Variants in CCNY observed in about 807,000 individuals in gnomAD.
CCNY encodes cyclin Y.
Under a neutral mutation model 42.8 loss-of-function variants are expected in CCNY, and 19 were observed. The ratio of observed to expected loss-of-function variants is 0.44; its 90% CI spans 0.31 to 0.65. CCNY has a LOEUF of 0.65. Ranked by LOEUF, CCNY falls within the 30% of genes least tolerant of loss-of-function variation. The pLI is 0.07. For missense variants in CCNY, 370 were observed against 437.3 expected (o/e 0.85, Z 1.37); for synonymous variants, 165 against 162.7 (o/e 1.01, Z -0.11).
At chr10:35,451,394 C>A (rs1838912656) in intron 1 of CCNY, among the ~76,000 whole-genome samples, 1 of 152,170 alleles carries the variant, frequency 6.6e-6, no homozygotes, top group South Asian at 2.1e-4. Context: ...GTAAATGTTA[C>A]CAAGTGCCTC....
At chr10:35,461,814 G>C (rs1377401756) in intron 1 of CCNY, among the ~76,000 whole-genome samples, 1 of 152,112 alleles carries the variant, frequency 6.6e-6, no homozygotes, top group Non-Finnish European at 1.5e-5. Context: ...AAGTGGAAAT[G>C]TCTGATTTGT....
At chr10:35,298,867 T>C (rs1280301469) in intron 3 of CCNY, among the ~76,000 whole-genome samples, 2 of 152,186 alleles carry the variant, frequency 1.3e-5, no homozygotes, top group African/African-American at 2.4e-5. Flanking sequence ...TATCAAGTTA[T>C]CTATTGATGA....
At chr10:35,464,714 C>T (rs1321808344) in intron 1 of CCNY, among the ~76,000 whole-genome samples, 1 of 152,170 alleles carries the variant, frequency 6.6e-6, no homozygotes, top group Admixed American at 6.5e-5. Context: ...GCCTCATGCC[C>T]CACCCCCAGC....
chr10:35,478,015 T>C (rs1839559100), intron 1 of CCNY, among the ~76,000 whole-genome samples: 1 of 145,114 alleles, frequency 6.9e-6, no homozygotes, highest in Non-Finnish European at 1.5e-5. Flanking sequence ...GAGAGCCAAA[T>C]CATGAGTGAA....
chr10:35,546,659 C>T (rs781513703), intron 7 of CCNY, among the ~76,000 whole-genome samples: 6 of 152,172 alleles, frequency 3.9e-5, no homozygotes, highest in Non-Finnish European at 8.8e-5. Context: ...CCTTATCTCC[C>T]AATATAGCAA....
At chr10:35,248,780 A>T (rs1462613442) in intron 2 of CCNY, among the ~76,000 whole-genome samples, 1 of 152,194 alleles carries the variant, frequency 6.6e-6, no homozygotes, top group Non-Finnish European at 1.5e-5. Flanking sequence ...CTGACGCTGC[A>T]GTGAGCCGTG....
At chr10:35,299,087 G>GAGTTCC (rs1835504459) in intron 3 of CCNY, among the ~76,000 whole-genome samples, 1 of 152,182 alleles carries the variant, frequency 6.6e-6, no homozygotes, top group African/African-American at 2.4e-5. Flanking sequence ...CAGTGTAGAA[G>GAGTTCC]AGTTCCAGTT....
chr10:35,318,884 C>T (rs753167666), intron 3 of CCNY, among the ~76,000 whole-genome samples: 7 of 152,178 alleles, frequency 4.6e-5, no homozygotes, highest in Non-Finnish European at 8.8e-5. Context: ...TCCCTTGAGA[C>T]GTGGTCTCAC....
intron 2 of CCNY, among the ~76,000 whole-genome samples, chr10:35,496,810 T>C (rs1042044356): frequency 4.6e-5 from 7 of 152,224 alleles, no homozygotes; most frequent in Non-Finnish European, 7.3e-5. Context: ...AAAGTTGTAT[T>C]TTAAAGAGTC....
intron 3 of CCNY, among the ~76,000 whole-genome samples, chr10:35,285,873 C>A (rs1835349393): frequency 6.6e-6 from 1 of 152,166 alleles, no homozygotes; most frequent in South Asian, 2.1e-4. Context: ...AGTGCAATGG[C>A]ACGATCTGGG....
intron 1 of CCNY, among the ~76,000 whole-genome samples, chr10:35,346,784 G>A (rs1010185891): frequency 2.6e-5 from 4 of 152,064 alleles, no homozygotes; most frequent in African/African-American, 7.2e-5. Context: ...GTGCCACCAT[G>A]CCCAGCTAAT....
chr10:35,433,617 T>G (rs1253029319), intron 1 of CCNY, among the ~76,000 whole-genome samples: 1 of 152,208 alleles, frequency 6.6e-6, no homozygotes, highest in African/African-American at 2.4e-5. Context: ...TCTTAAGAAA[T>G]AGTGGTTTTT....
chr10:35,391,929 A>G (rs1837422568), intron 1 of CCNY, among the ~76,000 whole-genome samples: 1 of 152,128 alleles, frequency 6.6e-6, no homozygotes. Context: ...CACTTCTCCC[A>G]TGACTGTCTC....
intron 1 of CCNY, among the ~76,000 whole-genome samples, chr10:35,389,499 G>A (rs1225659158): frequency 1.3e-5 from 2 of 150,286 alleles, no homozygotes; most frequent in East Asian, 2.0e-4. Flanking sequence ...GAGTGCAGTG[G>A]TATGATCTCG....
chr10:35,435,279 T>G (rs1349983408), intron 1 of CCNY, among the ~76,000 whole-genome samples: 1 of 152,208 alleles, frequency 6.6e-6, no homozygotes, highest in African/African-American at 2.4e-5. Context: ...GGTAATCAGT[T>G]TCCTTGTCTG....
chr10:35,335,456 C>T (rs1836002521), upstream of CCNY, among the ~76,000 whole-genome samples: 1 of 152,082 alleles, frequency 6.6e-6, no homozygotes. Context: ...CTCTGGGACC[C>T]CAAGATTTAT....
chr10:35,357,146 C>A (rs995044866), intron 1 of CCNY, among the ~76,000 whole-genome samples: 6 of 152,166 alleles, frequency 3.9e-5, no homozygotes, highest in African/African-American at 1.4e-4. Context: ...TTCCTAAGAA[C>A]ATAATCCAGA....
intron 1 of CCNY, among the ~76,000 whole-genome samples, chr10:35,446,548 A>G (rs908856624): frequency 2.0e-5 from 3 of 149,382 alleles, no homozygotes; most frequent in African/African-American, 2.5e-5. Flanking sequence ...TAGATTTGCC[A>G]GGGATAGTGT....
At chr10:35,255,933 T>C (rs2095715157) in intron 3 of CCNY, among the ~76,000 whole-genome samples, 1 of 152,226 alleles carries the variant, frequency 6.6e-6, no homozygotes. Context: ...TGAACCTTTT[T>C]ATTAATCTAT....
Sources: allele counts gnomAD v4.1 joint callset (sites outside exome capture counted in the v4.1 genomes callset), GRCh38; gene constraint gnomAD v4.1.1; transcripts MANE v1.5; gene names NCBI Gene and HGNC (gene_info 2026-07-23, HGNC 2026-07-21).